EVL: variants seen among roughly 807,000 people sequenced by gnomAD.
EVL encodes Enah/Vasp-like, also known as ena/VASP-like protein.
EVL carries 21 observed loss-of-function variants against 59.6 expected under a neutral mutation model. The observed-to-expected ratio is 0.35, with a 90% CI of 0.25 to 0.51. EVL has a LOEUF of 0.51. EVL is among the 20% of genes least tolerant of loss of function. EVL has a pLI of 0.97. For missense variants in EVL, 462 were observed against 546.6 expected, an observed-to-expected ratio of 0.85 and a Z score of 1.54; for synonymous variants, 198 against 203.5, an observed-to-expected ratio of 0.97 and a Z score of 0.23.
At chr14:100,093,957 T>G (rs1209954969) in intron 2 of EVL, among the ~76,000 whole-genome samples, 7 of 152,240 alleles carry the variant, frequency 4.6e-5, no homozygotes, top group Non-Finnish European at 1.0e-4. Flanking sequence ...TAGTTATTGT[T>G]GTTAATCTCT....
chr14:100,034,760 TAA>T (rs1337875822), intron 1 of EVL, among the ~76,000 whole-genome samples: 1 of 152,096 alleles, frequency 6.6e-6, no homozygotes, highest in Admixed American at 6.5e-5. Flanking sequence ...ATGCGTAAGA[TAA>T]AAGAGTATAA....
intron 3 of EVL, among the ~76,000 whole-genome samples, chr14:100,099,263 C>G (rs79256668): frequency 0.022 from 3,363 of 151,418 alleles, 68 homozygotes; most frequent in Non-Finnish European, 0.035. Flanking sequence ...GTTAGGAGAT[C>G]TGGGCATTGT....
At chr14:100,053,839 A>G (rs1478561551) in intron 1 of EVL, among the ~76,000 whole-genome samples, 1 of 152,064 alleles carries the variant, frequency 6.6e-6, no homozygotes, top group Non-Finnish European at 1.5e-5. Flanking sequence ...TGGTAAAGAC[A>G]GGGTTTCACC....
intron 3 of EVL, among the ~76,000 whole-genome samples, chr14:100,120,228 C>G (rs1220238768): frequency 6.6e-6 from 1 of 152,178 alleles, no homozygotes; most frequent in Non-Finnish European, 1.5e-5. Flanking sequence ...TTTCTTTTCA[C>G]TCAAGTCAGT....
At chr14:100,044,103 G>A (rs952875427) in intron 1 of EVL, among the ~76,000 whole-genome samples, 3 of 152,142 alleles carry the variant, frequency 2.0e-5, no homozygotes, top group African/African-American at 7.2e-5. Context: ...CTGCTCTCTA[G>A]GTATTCCTTA....
rs1211663701 is a variant in EVL at position 100,114,586 on chromosome 14, G to GA, written c.359-8951dup. Reference sequence around the variant, plus strand: ...ACTGCACCAGCCAGGCGACAGAGGAGAAGAGGTAAGTGGCCCAGTACGAGA... The same window carrying GA: ...ACTGCACCAGCCAGGCGACAGAGGAGAAAGAGGTAAGTGGCCCAGTACGAGA... On this transcript the variant is annotated intron_variant, in intron 3 of 13. Transcript: ENST00000392920. This position sits in a 1 kb window ranked among gnomAD's most constrained non-coding sequence, Gnocchi z 5.0. 2 of 152,432 alleles carry GA rather than the reference G, an allele frequency of 1.3e-5. No homozygotes were observed. Among genetic ancestry groups the GA allele is most frequent in the African/African-American group, 4.8e-5 (2 of 41,488 alleles). 9.4% of individuals were successfully genotyped at this position (152,432 alleles called of 1,614,324 possible).
chr14:100,006,284 T>C (rs2060981083), intron 1 of EVL, among the ~76,000 whole-genome samples: 1 of 79,204 alleles, frequency 1.3e-5, no homozygotes, highest in Non-Finnish European at 2.9e-5. Flanking sequence ...GTTGTTAATC[T>C]TTTTTTTTTT....
intron 3 of EVL, among the ~76,000 whole-genome samples, chr14:100,113,873 C>T (rs938672850): frequency 1.6e-4 from 24 of 152,210 alleles, no homozygotes; most frequent in African/African-American, 5.5e-4. Flanking sequence ...GAGAGGCCTC[C>T]AATCCCAAAG....
At chr14:100,076,972 G>C (rs1046170455) in intron 1 of EVL, among the ~76,000 whole-genome samples, 1 of 152,220 alleles carries the variant, frequency 6.6e-6, no homozygotes, top group Non-Finnish European at 1.5e-5. Context: ...CTATAAAGAA[G>C]ATGAGGAAAG....
At position 100,128,563 on chromosome 14, in the gene EVL, C is replaced by A. The variant is rs1264219221; in HGVS notation, c.532C>A (p.Pro178Thr). ...PGHPSSAASAPVSCSGPPPPP... is the reference protein window; with the variant it reads ...PGHPSSAASATVSCSGPPPPP... ...ACATCCTTCATCTGCAGCCAGCGCC[C>A]CCGTCTCATGTAGTGGGCCTCCACC... Residue 178 changes from proline (P) to threonine (T), a missense_variant, in exon 6 of 14, where the codon CCC (proline) becomes ACC (threonine). Pro to Thr is a conservative substitution (Grantham distance 38, BLOSUM62 -1). Coordinates refer to ENST00000392920, the MANE Select transcript of EVL (RefSeq NM_016337.3). The A allele has an allele frequency of 1.9e-6, 3 of 1,610,572 alleles. No homozygotes were observed. Among genetic ancestry groups the A allele is most frequent in the Non-Finnish European group, 2.5e-6 (3 of 1,179,352 alleles).
chr14:100,118,787 C>T (rs1887513201), intron 3 of EVL, among the ~76,000 whole-genome samples: 1 of 152,202 alleles, frequency 6.6e-6, no homozygotes, highest in African/African-American at 2.4e-5. Context: ...TTGTGTGTTT[C>T]TCCCCAGCTC....
At chr14:100,045,366 T>C (rs2061531424) in intron 1 of EVL, among the ~76,000 whole-genome samples, 1 of 152,204 alleles carries the variant, frequency 6.6e-6, no homozygotes, top group Non-Finnish European at 1.5e-5. Context: ...TGCCACACTT[T>C]ATCAGATATC....
At chr14:100,119,192 T>C (rs1296507262) in intron 3 of EVL, among the ~76,000 whole-genome samples, 1 of 152,238 alleles carries the variant, frequency 6.6e-6, no homozygotes, top group East Asian at 1.9e-4. Flanking sequence ...CATGATGGGT[T>C]CTTTTATTTT....
chr14:100,019,227 C>T (rs2061079539), intron 1 of EVL, among the ~76,000 whole-genome samples: 1 of 152,186 alleles, frequency 6.6e-6, no homozygotes, highest in South Asian at 2.1e-4. Flanking sequence ...GGTAATTAGG[C>T]AGATCACAGC....
rs770225054 is a variant in EVL at position 100,113,794 on chromosome 14, G to A, written c.359-9745G>A. Among the ~76,000 whole-genome samples, 73 of 152,292 alleles carry A rather than the reference G, an allele frequency of 4.8e-4. 1 individual carries two copies. The highest frequency in any genetic ancestry group is 6.8e-3 in the Middle Eastern group (2 of 294). ...TGCTAAGGGAGTTGGGACATTCAGG[G>A]AGGAGAGAGGTTTGGTGGGATTGGC... On this transcript the variant is annotated intron_variant, in intron 3 of 13. Coordinates refer to ENST00000392920, the MANE Select transcript of EVL (RefSeq NM_016337.3).
intron 1 of EVL, among the ~76,000 whole-genome samples, chr14:99,992,956 G>C (rs2140179302): frequency 6.6e-6 from 1 of 151,956 alleles, no homozygotes; most frequent in South Asian, 2.1e-4. Context: ...TATTAATTGA[G>C]ATGATTATAT....
intron 1 of EVL, among the ~76,000 whole-genome samples, chr14:100,037,862 A>G (rs924258655): frequency 7.9e-5 from 12 of 152,268 alleles, no homozygotes; most frequent in Non-Finnish European, 7.3e-5. Flanking sequence ...CATTAGGGAT[A>G]CAAATGGGAT....
At chr14:100,036,274 T>G (rs760993507) in intron 1 of EVL, among the ~76,000 whole-genome samples, 2 of 152,200 alleles carry the variant, frequency 1.3e-5, no homozygotes, top group African/African-American at 2.4e-5. Flanking sequence ...ATTGCCTTCC[T>G]TGAAACTGGT....
chr14:100,023,324 C>T (rs551450772), intron 1 of EVL, among the ~76,000 whole-genome samples: 1 of 151,348 alleles, frequency 6.6e-6, no homozygotes, highest in South Asian at 2.1e-4. Context: ...CCTGCCCTAG[C>T]CTCCTGAGCA....
Sources: gnomAD v4.1 joint callset for allele counts (sites outside exome capture counted in the v4.1 genomes callset) on GRCh38, gnomAD v4.1.1 for gene constraint, Gnocchi (gnomAD v3.1) non-coding constraint, MANE v1.5 for transcripts, NCBI Gene and HGNC (gene_info 2026-07-23, HGNC 2026-07-21) for gene names.